The following ZNF595 variants were observed in gnomAD, a reference collection of about 807,000 sequenced individuals.
ZNF595 encodes zinc finger protein 595.
A neutral mutation model predicts 19.4 loss-of-function variants in ZNF595; 9 were observed. The ratio of observed to expected loss-of-function variants is 0.46; its 90% CI spans 0.28 to 0.81. ZNF595 has a LOEUF of 0.81. ZNF595 is among the 30% of genes least tolerant of loss of function. The pLI is 0.11. For synonymous variants in ZNF595, 255 were observed against 255.9 expected (o/e 1.00, Z 0.03); for missense variants, 729 against 736.0 (o/e 0.99, Z 0.11).
chr4:66,790 A>T (rs1215805441), intron 3 of ZNF595, among the ~76,000 whole-genome samples: 1,889 of 151,504 alleles, frequency 0.012, no homozygotes, highest in African/African-American at 0.045. Context: ...GTTCTGTTCC[A>T]TCATCTATTT....
intron 3 of ZNF595, among the ~76,000 whole-genome samples, chr4:67,109 G>A (rs1368311703): frequency 9.8e-5 from 14 of 142,218 alleles, no homozygotes; most frequent in African/African-American, 2.9e-4. Context: ...TTTGGATTTG[G>A]CAATTTTGCT....
At chr4:71,346 G>A (rs1553797850) in intron 3 of ZNF595, among the ~76,000 whole-genome samples, 1 of 151,940 alleles carries the variant, frequency 6.6e-6, no homozygotes, top group African/African-American at 2.4e-5. Context: ...GTTCTGGCTG[G>A]CACTTCCAAT....
At chr4:79,679 T>G (rs1340095568) in intron 3 of ZNF595, among the ~76,000 whole-genome samples, 2 of 151,674 alleles carry the variant, frequency 1.3e-5, no homozygotes, top group Non-Finnish European at 2.9e-5. Context: ...TTTGTTGTTT[T>G]TTTTTTTTTT....
At chr4:55,336 CT>C (rs1230758872) in intron 1 of ZNF595, among the ~76,000 whole-genome samples, 235 of 148,782 alleles carry the variant, frequency 1.6e-3, no homozygotes, top group Middle Eastern at 3.4e-3. Context: ...GCCTTTTGGC[CT>C]GGCTGTTGTA....
chr4:78,135 A>T (rs1164451478), intron 3 of ZNF595, among the ~76,000 whole-genome samples: 3 of 152,078 alleles, frequency 2.0e-5, no homozygotes, highest in Non-Finnish European at 4.4e-5. Flanking sequence ...CAGCCTCCCG[A>T]GTAGCTGGGA....
At chr4:80,395 A>G (rs1373004624) in intron 3 of ZNF595, among the ~76,000 whole-genome samples, 3 of 152,260 alleles carry the variant, frequency 2.0e-5, no homozygotes, top group South Asian at 4.1e-4. Context: ...TAAAGGCCAT[A>G]TATGACAAGT....
intron 3 of ZNF595, among the ~76,000 whole-genome samples, chr4:64,731 C>T (rs1581328624): frequency 6.6e-6 from 1 of 152,382 alleles, no homozygotes; most frequent in South Asian, 2.1e-4. Context: ...GTTGTATTAC[C>T]AGAGATTTGG....
rs782669101 is a variant in ZNF595 at position 85,786 on chromosome 4, A to C, written c.282A>C (p.Ser94=). The change falls in exon 4 of 4, where the codon TCA becomes TCC. Residue 94 remains serine (S), a synonymous_variant. Coordinates refer to ENST00000610261, the MANE Select transcript of ZNF595 (RefSeq NM_182524.4). ...DLSPVQGIED[S]FHKLILKRYE... ...CACCAGTGCAGGGGATAGAAGATTC[A>C]TTCCACAAACTTATACTGAAAAGAT... 2.5e-6 allele frequency: 4 copies of C among 1,612,774 alleles called. No homozygotes were observed. In the South Asian group the frequency reaches 4.4e-5, roughly 18 times the overall value.
At chr4:73,655 C>T (rs895999045) in intron 3 of ZNF595, among the ~76,000 whole-genome samples, 3 of 152,170 alleles carry the variant, frequency 2.0e-5, no homozygotes, top group Non-Finnish European at 4.4e-5. Flanking sequence ...TCTTTTCCCG[C>T]ACTTTCTTTT....
At chr4:77,791 A>T (rs782116524) in intron 3 of ZNF595, among the ~76,000 whole-genome samples, 2 of 152,308 alleles carry the variant, frequency 1.3e-5, no homozygotes, top group South Asian at 4.1e-4. Context: ...CCAATTATAT[A>T]TGCAGATGGG....
chr4:69,460 C>G (rs1235209910), intron 3 of ZNF595, among the ~76,000 whole-genome samples: 1 of 152,090 alleles, frequency 6.6e-6, no homozygotes, highest in Non-Finnish European at 1.5e-5. Context: ...TAATATCTCA[C>G]TGTTGTTTTG....
chr4:72,153 A>G (rs1713457393), intron 3 of ZNF595, among the ~76,000 whole-genome samples: 1 of 152,162 alleles, frequency 6.6e-6, no homozygotes, highest in Non-Finnish European at 1.5e-5. Flanking sequence ...AATGCATTCT[A>G]TTTGTAGAGC....
intron 3 of ZNF595, chr4:60,559 T>A (rs1712809792): frequency 2.2e-6 from 1 of 457,174 alleles, no homozygotes; most frequent in South Asian, 1.7e-5. Context: ...GGATTTGGTT[T>A]AGAAATCTTA....
chr4:61,192 C>T (rs1712846253), intron 3 of ZNF595, among the ~76,000 whole-genome samples: 1 of 151,664 alleles, frequency 6.6e-6, no homozygotes, highest in South Asian at 2.1e-4. Context: ...CTTGCTCTGT[C>T]ACCAAGGCTG....
In ZNF595 at chr4:86,876, G is replaced by A; in HGVS notation, c.1372G>A (p.Gly458Ser). Reference sequence around the variant, plus strand: ...AAAACCTTACAAATGTGAAGAATGTGGCAAAGCCTTTACACGGTCCACAAC... The same window carrying A: ...AAAACCTTACAAATGTGAAGAATGTAGCAAAGCCTTTACACGGTCCACAAC... ...GQKPYKCEEC[G>S]KAFTRSTTLN... is the part of the protein sequence containing the mutation. Residue 458 changes from glycine to serine, a missense_variant, in exon 4 of 4, where the codon GGC becomes AGC. Around this residue, in one of 2 missense-constraint regions of ZNF595, gnomAD observed 729 missense variants for 675.3 expected, o/e 1.08. Transcript: ENST00000610261. 2.5e-6 allele frequency: 4 copies of A among 1,611,914 alleles called. No individual in the cohort carries two copies. Among genetic ancestry groups the A allele is most frequent in the Non-Finnish European group, 2.5e-6 (3 of 1,178,596 alleles).
chr4:79,010 G>A (rs1006595223), intron 3 of ZNF595, among the ~76,000 whole-genome samples: 18 of 152,140 alleles, frequency 1.2e-4, no homozygotes, highest in Admixed American at 3.9e-4. Context: ...TCAAGTATAC[G>A]GTCCAGTGGT....
At chr4:80,437 G>A (rs1170248651) in intron 3 of ZNF595, among the ~76,000 whole-genome samples, 1 of 152,192 alleles carries the variant, frequency 6.6e-6, no homozygotes, top group Non-Finnish European at 1.5e-5. Flanking sequence ...ACAGGAAAGA[G>A]AAAATTTTAT....
chr4:80,672 A>G (rs1215189962), intron 3 of ZNF595, among the ~76,000 whole-genome samples: 1 of 152,124 alleles, frequency 6.6e-6, no homozygotes, highest in East Asian at 1.9e-4. Flanking sequence ...CAGGGGTCAC[A>G]AGGTGCTCAG....
Position 86,799 on chromosome 4 carries a change from C to CT in ZNF595, c.1299dup (p.Asn434Ter), listed in dbSNP as rs1553801773. 6.2e-7 allele frequency: 1 copy of CT among 1,613,894 alleles called. No individual in the cohort carries two copies. The highest frequency in any genetic ancestry group is 2.2e-5 in the East Asian group (1 of 44,856). On this transcript the variant is annotated frameshift_variant, in exon 4 of 4. Coordinates refer to ENST00000610261, the MANE Select transcript of ZNF595 (RefSeq NM_182524.4). LOFTEE classifies it high-confidence loss of function. Reference sequence around the variant, plus strand: ...TACACGTGCGAAGAATGTGGCAAAGCTTTTAACCAATCCTCAACTCTTATA... The same window carrying CT: ...TACACGTGCGAAGAATGTGGCAAAGCTTTTTAACCAATCCTCAACTCTTATA...
Sources: allele counts gnomAD v4.1 joint callset (sites outside exome capture counted in the v4.1 genomes callset), GRCh38; gene constraint gnomAD v4.1.1; regional missense constraint gnomAD v4.1.1; transcripts MANE v1.5; gene names NCBI Gene and HGNC (gene_info 2026-07-23, HGNC 2026-07-21).